The following SPSB1 variants were observed in gnomAD, a reference collection of about 807,000 sequenced individuals.
SPSB1 encodes the protein SPRY domain-containing SOCS box protein 1.
SPSB1 carries 8 observed loss-of-function variants against 21.2 expected under a neutral mutation model. The observed-to-expected ratio is 0.38, with a 90% CI of 0.22 to 0.68. The LOEUF (loss-of-function observed/expected upper bound fraction) is 0.68. Ranked by LOEUF, SPSB1 falls within the 30% of genes least tolerant of loss-of-function variation. SPSB1 has a pLI of 0.53. For missense variants in SPSB1, 242 were observed against 377.8 expected (o/e 0.64, Z 2.98); for synonymous variants, 169 against 161.7 (o/e 1.05, Z -0.34).
At chr1:9,314,501 C>T (rs373148421) in intron 1 of SPSB1, among the ~76,000 whole-genome samples, 2 of 152,150 alleles carry the variant, frequency 1.3e-5, no homozygotes, top group Non-Finnish European at 2.9e-5. Context: ...ACAACAAGGC[C>T]GTTCATCACC....
Position 9,312,218 on chromosome 1 carries a change from A to G in SPSB1, c.-150+19147A>G, listed in dbSNP as rs536096117. Among the ~76,000 whole-genome samples the G allele has an allele frequency of 3.7e-4, 56 of 152,038 alleles. No homozygotes were observed. The East Asian group carries it at 5.0e-3, about 14-fold the overall frequency. Reference sequence around the variant, plus strand: ...AATCTCGCTCTGTCACCCAGGCTGCAGTGCTATGTTGCTCAGGTTGGTCTC... The same window carrying G: ...AATCTCGCTCTGTCACCCAGGCTGCGGTGCTATGTTGCTCAGGTTGGTCTC... On this transcript the variant is annotated intron_variant, in intron 1 of 2. Transcript: ENST00000328089.
At chr1:9,329,474 G>A (rs1045469862) in intron 1 of SPSB1, among the ~76,000 whole-genome samples, 1 of 152,010 alleles carries the variant, frequency 6.6e-6, no homozygotes, top group Non-Finnish European at 1.5e-5. Context: ...AGATGGGCAT[G>A]GCCACCCATC....
intron 1 of SPSB1, among the ~76,000 whole-genome samples, chr1:9,341,111 C>T (rs1372112402): frequency 1.3e-5 from 2 of 152,200 alleles, no homozygotes; most frequent in African/African-American, 4.8e-5. Flanking sequence ...CTTTCTTCCC[C>T]TTGTGTTCTC....
Position 9,355,778 on chromosome 1 carries a change from C to T in SPSB1, c.-114C>T, listed in dbSNP as rs2100514902. ...ACACTGCGCAGCTTGCAGAGGTCTC[C>T]TGGCAGCCCTCATTAGGAATTCTGT... On this transcript the variant is annotated 5_prime_UTR_variant, in exon 2 of 3. Transcript: ENST00000328089. The T allele has an allele frequency of 6.7e-7, 1 of 1,491,674 alleles. No individual in the cohort carries two copies. Among genetic ancestry groups the T allele is most frequent in the Non-Finnish European group, 8.9e-7 (1 of 1,122,032 alleles). 92.4% of individuals were successfully genotyped at this position (1,491,674 alleles called of 1,614,324 possible).
chr1:9,334,766 T>C lies in SPSB1; in HGVS notation c.-149-20977T>C, dbSNP rs192321755. On this transcript the variant is annotated intron_variant, in intron 1 of 2. Transcript: ENST00000328089. ...TTCTGTCTCTATGGATCCGATTGTC[T>C]TAGGTACCTCATGTAAGTGCAATCA... Among the ~76,000 whole-genome samples, 567 of 152,340 alleles carry C rather than the reference T, an allele frequency of 3.7e-3. 1 individual carries two copies. Among genetic ancestry groups the C allele is most frequent in the Middle Eastern group, 0.01 (3 of 294 alleles).
intron 2 of SPSB1, among the ~76,000 whole-genome samples, chr1:9,366,426 G>A (rs570718249): frequency 6.6e-6 from 1 of 152,218 alleles, no homozygotes; most frequent in South Asian, 2.1e-4. Flanking sequence ...GGCCTGTCAC[G>A]TATGATTCAG....
chr1:9,327,740 G>C (rs1639839690), intron 1 of SPSB1, among the ~76,000 whole-genome samples: 1 of 152,222 alleles, frequency 6.6e-6, no homozygotes, highest in South Asian at 2.1e-4. Flanking sequence ...TAATGATTTA[G>C]GCTTTGTAGA....
chr1:9,342,248 C>T (rs959718938), intron 1 of SPSB1, among the ~76,000 whole-genome samples: 1 of 152,156 alleles, frequency 6.6e-6, no homozygotes, highest in Non-Finnish European at 1.5e-5. Context: ...GCATGAGACA[C>T]CTGGGCTGTG....
At chr1:9,334,159 C>T (rs967498881) in intron 1 of SPSB1, among the ~76,000 whole-genome samples, 6 of 152,068 alleles carry the variant, frequency 3.9e-5, no homozygotes, top group Admixed American at 6.5e-5. Context: ...GATCTCGGCT[C>T]GTTGCAACTT....
chr1:9,350,274 C>T (rs568325230), intron 1 of SPSB1, among the ~76,000 whole-genome samples: 22 of 152,200 alleles, frequency 1.4e-4, no homozygotes, highest in Non-Finnish European at 2.6e-4. Flanking sequence ...CTGAGGGCTG[C>T]GGACAGGAGA....
chr1:9,331,356 G>C (rs1261130443), intron 1 of SPSB1, among the ~76,000 whole-genome samples: 1 of 118,124 alleles, frequency 8.5e-6, no homozygotes, highest in Non-Finnish European at 1.7e-5. Context: ...TTGAGGTGGA[G>C]TTTCACTCTT....
At chr1:9,300,562 C>T (rs1034324323) in intron 1 of SPSB1, among the ~76,000 whole-genome samples, 2 of 152,226 alleles carry the variant, frequency 1.3e-5, no homozygotes, top group African/African-American at 4.8e-5. Context: ...TTTTGAGAGA[C>T]AGCTCTTGGC....
intron 1 of SPSB1, among the ~76,000 whole-genome samples, chr1:9,352,174 C>T (rs941982072): frequency 1.3e-5 from 2 of 152,200 alleles, no homozygotes; most frequent in Non-Finnish European, 2.9e-5. Flanking sequence ...ACTTGCTAGG[C>T]CACCTGAGGT....
chr1:9,354,938 A>G (rs1640338130), intron 1 of SPSB1, among the ~76,000 whole-genome samples: 1 of 152,142 alleles, frequency 6.6e-6, no homozygotes, highest in Non-Finnish European at 1.5e-5. Flanking sequence ...AGAGGGAACG[A>G]GGCATCCTAG....
At chr1:9,313,501 G>A (rs1446337290) in intron 1 of SPSB1, among the ~76,000 whole-genome samples, 3 of 152,194 alleles carry the variant, frequency 2.0e-5, no homozygotes, top group Admixed American at 2.0e-4. Context: ...TCTGTGCTCC[G>A]AACTGCTGCC....
intron 1 of SPSB1, among the ~76,000 whole-genome samples, chr1:9,307,304 T>C (rs1299077734): frequency 5.9e-5 from 9 of 152,190 alleles, no homozygotes; most frequent in Admixed American, 5.9e-4. Context: ...TGGCATTTGG[T>C]ATATTCACAA....
chr1:9,292,971 C>T lies in SPSB1; in HGVS notation c.-250C>T. The T allele has an allele frequency of 1.1e-6, 1 of 911,900 alleles. No individual in the cohort carries two copies. Among genetic ancestry groups the T allele is most frequent in the East Asian group, 1.3e-4 (1 of 7,782 alleles). The allele number at this position is 911,900 out of a possible 1,614,324, so 56.5% of individuals were successfully genotyped here. On this transcript the variant is annotated 5_prime_UTR_variant, in exon 1 of 3. Transcript: ENST00000328089. ...CAGGCGCCGGCGCCGGGGCCGGGGC[C>T]GCGGGGAGGAGGCGACTTCGCTCCC...
intron 1 of SPSB1, among the ~76,000 whole-genome samples, chr1:9,302,381 C>T (rs751952219): frequency 2.0e-5 from 3 of 152,100 alleles, no homozygotes; most frequent in South Asian, 2.1e-4. Context: ...GTAGAATGAT[C>T]GGGCTGCCCC....
At chr1:9,364,325 C>G (rs1403410546) in intron 2 of SPSB1, among the ~76,000 whole-genome samples, 1 of 152,274 alleles carries the variant, frequency 6.6e-6, no homozygotes, top group Non-Finnish European at 1.5e-5. Flanking sequence ...CTACTCCCGA[C>G]AGCCAGGCCA....
Sources: gnomAD v4.1 joint callset for allele counts (sites outside exome capture counted in the v4.1 genomes callset) on GRCh38, gnomAD v4.1.1 for gene constraint, MANE v1.5 for transcripts, NCBI Gene and HGNC (gene_info 2026-07-23, HGNC 2026-07-21) for gene names.